The following C6orf89 variants were observed in gnomAD, a reference collection of about 807,000 sequenced individuals.
C6orf89 encodes bombesin receptor-activated protein C6orf89.
In C6orf89, 29 loss-of-function variants were observed where a neutral mutation model predicts 40.7. The ratio of observed to expected loss-of-function variants is 0.71; its 90% CI spans 0.53 to 0.97. The LOEUF is 0.97. Among genes scored for constraint, C6orf89 ranks in the 50% least tolerant of loss-of-function variants. The pLI, the probability that C6orf89 is intolerant of heterozygous loss-of-function variation, is 0.00. For missense variants in C6orf89, 392 were observed against 429.1 expected (o/e 0.91, Z 0.76); for synonymous variants, 165 against 152.2 (o/e 1.08, Z -0.62).
chr6:36,901,642 GTAT>G (rs1037617539), intron 3 of C6orf89, among the ~76,000 whole-genome samples: 2 of 142,968 alleles, frequency 1.4e-5, no homozygotes, highest in African/African-American at 2.6e-5. Flanking sequence ...CCCCCTTTGT[GTAT>G]TATTATTATT....
intron 1 of C6orf89, among the ~76,000 whole-genome samples, chr6:36,877,774 A>G (rs1447782030): frequency 6.6e-6 from 1 of 152,260 alleles, no homozygotes; most frequent in Non-Finnish European, 1.5e-5. Flanking sequence ...AATTTCACTA[A>G]CAACTAATGA....
At chr6:36,910,717 A>T (rs1762095954) in intron 4 of C6orf89, among the ~76,000 whole-genome samples, 1 of 149,496 alleles carries the variant, frequency 6.7e-6, no homozygotes, top group Non-Finnish European at 1.5e-5. Context: ...ACAGAGCAAG[A>T]CCCTGTCTCT....
rs766992542 is a variant in C6orf89, at chr6:36,902,328, A to C, written c.297A>C (p.Ser99=). The C allele has an allele frequency of 6.2e-7, 1 of 1,614,194 alleles. No homozygotes were observed. Among genetic ancestry groups the C allele is most frequent in the East Asian group, 2.2e-5 (1 of 44,884 alleles). The change falls in exon 4 of 9, where the codon TCA becomes TCC. Residue 99 remains serine (S), a synonymous_variant. Transcript: ENST00000480824. ...PVLSGAHTWR[S]LIHHIRLMSL... ...TTTCTGGAGCTCACACCTGGCGCTCACTCATCCATCACATTAGGCTGATGT... is the reference window on the plus strand; with the variant it reads ...TTTCTGGAGCTCACACCTGGCGCTCCCTCATCCATCACATTAGGCTGATGT...
chr6:36,916,958 A>G (rs959263446), intron 7 of C6orf89, among the ~76,000 whole-genome samples: 4 of 152,192 alleles, frequency 2.6e-5, no homozygotes, highest in Admixed American at 6.5e-5. Context: ...CACGCCTGTA[A>G]TCCAGCACTT....
At chr6:36,914,159 CAAAAT>C (rs1478476840) in intron 4 of C6orf89, 120 bp from the exon 5 acceptor site, 1 of 955,794 alleles carries the variant, frequency 1.0e-6, no homozygotes, top group East Asian at 2.7e-5. Flanking sequence ...GACTCTGTCT[CAAAAT>C]AAATAAATAA....
rs372818311 is a variant in C6orf89, at chr6:36,904,105, C to G, written c.403+1671C>G. Among the ~76,000 whole-genome samples, 4 of 152,310 alleles carry G rather than the reference C, an allele frequency of 2.6e-5. No individual in the cohort carries two copies. In the East Asian group the frequency reaches 5.8e-4, roughly 22 times the overall value. On this transcript the variant is annotated intron_variant, in intron 4 of 8. Coordinates refer to ENST00000480824, the MANE Select transcript of C6orf89 (RefSeq NM_001286635.2). ...TTCCTGACTGTCTTCCCCTCAAAGC[C>G]TCCCTAACGGCAACTCCTGATGAGT...
intron 1 of C6orf89, among the ~76,000 whole-genome samples, 162 bp downstream of exon 1, chr6:36,886,190 A>G (rs1774980318): frequency 1.3e-5 from 2 of 152,222 alleles, no homozygotes. Context: ...GTAGACTGAC[A>G]GCATCCCCTG....
chr6:36,888,597 G>A (rs1475900880), intron 1 of C6orf89, among the ~76,000 whole-genome samples: 1 of 152,192 alleles, frequency 6.6e-6, no homozygotes, highest in Non-Finnish European at 1.5e-5. Context: ...TCATGTCACT[G>A]CACTCCAGCC....
At chr6:36,883,207 C>G (rs1350402241), upstream of C6orf89, 1 of 152,202 alleles carries the variant, frequency 6.6e-6, no homozygotes, top group Non-Finnish European at 1.5e-5. Context: ...ATTGGATCGT[C>G]TGAGAACACC....
intron 4 of C6orf89, among the ~76,000 whole-genome samples, chr6:36,911,932 C>CG (rs56760506): frequency 0.04 from 3,079 of 76,512 alleles, 158 homozygotes; most frequent in African/African-American, 0.15. Flanking sequence ...CACAGTGAAC[C>CG]CCCCCCCCCC....
chr6:36,926,325 G>C lies in C6orf89; in HGVS notation c.*2884G>C, dbSNP rs1392271423. The C allele has an allele frequency of 6.6e-6, 1 of 152,110 alleles. No individual in the cohort carries two copies. The highest frequency in any genetic ancestry group is 1.5e-5 in the Non-Finnish European group (1 of 68,042). 9.4% of individuals were successfully genotyped at this position (152,110 alleles called of 1,614,324 possible). On this transcript the variant is annotated 3_prime_UTR_variant, in exon 9 of 9. Coordinates refer to ENST00000480824, the MANE Select transcript of C6orf89 (RefSeq NM_001286635.2). Reference sequence around the variant, plus strand: ...AGGCAGGCAGATCACTTGAGGTCAGGAGTTCAAGACCAGCCTGGCCAACAG... The same window carrying C: ...AGGCAGGCAGATCACTTGAGGTCAGCAGTTCAAGACCAGCCTGGCCAACAG...
chr6:36,892,691 C>T lies in C6orf89; in HGVS notation c.-119-1813C>T, dbSNP rs551106752. The T allele has an allele frequency of 3.3e-5, 5 of 152,350 alleles. No homozygotes were observed. In the East Asian group the frequency reaches 7.7e-4, roughly 24 times the overall value. The allele number at this position is 152,350 out of a possible 1,614,324, so 9.4% of individuals were successfully genotyped here. A position where few individuals can be genotyped will look rare whatever the true frequency, so the allele number is the denominator to read the frequency against. On this transcript the variant is annotated intron_variant, in intron 1 of 8. Coordinates refer to ENST00000480824, the MANE Select transcript of C6orf89 (RefSeq NM_001286635.2). The stretch of plus-strand genomic sequence containing the variant: ...GCTCCACTCCTAACAGTTCTGGCAA[C>T]TTAGCATATCCGAGGTGGTGCATGA...
intron 8 of C6orf89, among the ~76,000 whole-genome samples, chr6:36,921,987 C>T (rs1364130191): frequency 4.6e-5 from 7 of 152,108 alleles, no homozygotes; most frequent in African/African-American, 7.2e-5. Context: ...ATGACTGCAC[C>T]GCTGCACTCC....
chr6:36,896,511 A>G (rs1427088253), intron 2 of C6orf89, among the ~76,000 whole-genome samples: 1 of 152,124 alleles, frequency 6.6e-6, no homozygotes, highest in Non-Finnish European at 1.5e-5. Flanking sequence ...GATGTATTCT[A>G]TATAGACCAC....
Position 36,923,849 on chromosome 6 carries a change from A to G in C6orf89, c.*408A>G. 3.5e-6 allele frequency: 1 copy of G among 284,234 alleles called. No individual in the cohort carries two copies. Among genetic ancestry groups the G allele is most frequent in the South Asian group, 3.5e-5 (1 of 28,902 alleles). 17.6% of individuals were successfully genotyped at this position (284,234 alleles called of 1,614,324 possible). On this transcript the variant is annotated 3_prime_UTR_variant, in exon 9 of 9. Transcript: ENST00000480824. Reference sequence around the variant, plus strand: ...TCTAATGTCAGAGCCATCCTTTACCAGGTGGGCCTGCTTGTCCCTGTCTTG... The same window carrying G: ...TCTAATGTCAGAGCCATCCTTTACCGGGTGGGCCTGCTTGTCCCTGTCTTG...
At chr6:36,877,327 G>A (rs1265863692) in intron 1 of C6orf89, among the ~76,000 whole-genome samples, 1 of 152,122 alleles carries the variant, frequency 6.6e-6, no homozygotes, top group African/African-American at 2.4e-5. Context: ...CAAAGTGGCT[G>A]TAGCAATTTT....
chr6:36,901,326 T>TTA (rs1561865560), intron 3 of C6orf89, among the ~76,000 whole-genome samples: 6 of 41,090 alleles, frequency 1.5e-4, no homozygotes, highest in Non-Finnish European at 2.3e-4. Context: ...TTATTATTTT[T>TTA]TTTTTTTTTT....
intron 7 of C6orf89, among the ~76,000 whole-genome samples, chr6:36,917,805 C>T (rs539934890): frequency 1.4e-5 from 2 of 140,754 alleles, no homozygotes; most frequent in South Asian, 2.3e-4. Flanking sequence ...TTCTGGGACA[C>T]GGCTTTATCT....
chr6:36,897,419 G>A (rs1470756590), intron 2 of C6orf89, among the ~76,000 whole-genome samples: 1 of 152,106 alleles, frequency 6.6e-6, no homozygotes, highest in Non-Finnish European at 1.5e-5. Flanking sequence ...TCAATCCTGG[G>A]TTGGTAGAAA....
Sources: gnomAD v4.1 joint callset for allele counts (sites outside exome capture counted in the v4.1 genomes callset) on GRCh38, gnomAD v4.1.1 for gene constraint, MANE v1.5 for transcripts, NCBI Gene and HGNC (gene_info 2026-07-23, HGNC 2026-07-21) for gene names.